Variants in WDR86 observed in about 807,000 individuals in gnomAD.
WDR86 encodes WD repeat-containing protein 86.
WDR86 carries 30 observed loss-of-function variants against 36.5 expected under a neutral mutation model. The observed-to-expected ratio is 0.82, with a 90% CI of 0.61 to 1.11. The LOEUF is 1.11. Among genes scored for constraint, WDR86 ranks in the 50% most tolerant of loss-of-function variants. WDR86 has a pLI of 0.00. For missense variants in WDR86, 545 were observed against 561.2 expected, an observed-to-expected ratio of 0.97 and a Z score of 0.29; for synonymous variants, 255 against 252.9, an observed-to-expected ratio of 1.01 and a Z score of -0.08.
At chr7:151,377,893 T>A (rs1468052478), downstream of WDR86, 1 of 152,228 alleles carries the variant, frequency 6.6e-6, no homozygotes, top group Non-Finnish European at 1.5e-5. Context: ...TTATATATAT[T>A]CAGCATTCCT....
chr7:151,369,694 C>A, the WDR86 span, among the ~76,000 whole-genome samples: 1 of 152,182 alleles, frequency 6.6e-6, no homozygotes, highest in African/African-American at 2.4e-5. Context: ...GGAATATTAG[C>A]AGGAGAGCCA....
chr7:151,389,553 G>A (rs1225677401), intron 3 of WDR86, among the ~76,000 whole-genome samples: 6 of 152,154 alleles, frequency 3.9e-5, no homozygotes, highest in African/African-American at 9.7e-5. Context: ...TCGGCAAAAC[G>A]ATTTCAGAGG....
At position 151,400,645 on chromosome 7, in the gene WDR86, A is replaced by G. The variant is rs144283334; in HGVS notation, c.164-404T>C. Among the ~76,000 whole-genome samples, 183 of 152,326 alleles carry G rather than the reference A, an allele frequency of 1.2e-3. 3 individuals are homozygous for G. In the East Asian group the frequency reaches 0.032, roughly 26 times the overall value. On this transcript the variant is annotated intron_variant, in intron 1 of 5. Coordinates refer to ENST00000334493, the MANE Select transcript of WDR86 (RefSeq NM_198285.3). ...TGATCTGCCTGCCTTGGCCTCCCAAAGTGCTGGAATTACAGGCGTGAGCCA... is the reference window on the plus strand; with the variant it reads ...TGATCTGCCTGCCTTGGCCTCCCAAGGTGCTGGAATTACAGGCGTGAGCCA...
chr7:151,407,739 G>C (rs894422092), intron 1 of WDR86, among the ~76,000 whole-genome samples: 1 of 152,170 alleles, frequency 6.6e-6, no homozygotes, highest in Non-Finnish European at 1.5e-5. Context: ...TATTCAGGAG[G>C]CCAAGGCAGG....
rs1028727115 is a variant in WDR86 at position 151,409,726 on chromosome 7, G to T, written c.-137C>A. 1.4e-5 allele frequency: 18 copies of T among 1,298,664 alleles called. No homozygotes were observed. In the Admixed American group the frequency reaches 6.7e-4, roughly 48 times the overall value. 80.4% of individuals were successfully genotyped at this position (1,298,664 alleles called of 1,614,324 possible). On this transcript the variant is annotated 5_prime_UTR_variant, in exon 1 of 6. Coordinates refer to ENST00000334493, the MANE Select transcript of WDR86 (RefSeq NM_198285.3). This position sits in a 1 kb window ranked among gnomAD's most constrained non-coding sequence, Gnocchi z 5.2. Reference sequence around the variant, plus strand: ...GGGAGCCCGACTCCTGCGGAGGCACGCGGCGAGGGGAGGGTGAAGGACCCT... The same window carrying T: ...GGGAGCCCGACTCCTGCGGAGGCACTCGGCGAGGGGAGGGTGAAGGACCCT...
downstream of WDR86, among the ~76,000 whole-genome samples, chr7:151,372,655 T>C (rs1414994792): frequency 2.0e-5 from 3 of 151,920 alleles, no homozygotes; most frequent in African/African-American, 7.3e-5. Flanking sequence ...TTCGAAGCAT[T>C]GTTGGGGCCA....
In WDR86 at chr7:151,400,166, C is replaced by A. The variant is rs1161058525; in HGVS notation, c.239G>T (p.Arg80Met). The A allele has an allele frequency of 1.2e-6, 2 of 1,612,506 alleles. No homozygotes were observed. The highest frequency in any genetic ancestry group is 1.7e-6 in the Non-Finnish European group (2 of 1,179,308). Residue 80 changes from arginine to methionine, a missense_variant, in exon 2 of 6, where the codon AGG (arginine) becomes ATG (methionine). Arg to Met is a moderately conservative substitution (Grantham distance 91). Coordinates refer to ENST00000334493, the MANE Select transcript of WDR86 (RefSeq NM_198285.3). ...CTGCCCGGTCAGCACGTCCCACCTC[C>A]TGATGGTGCAGTCGGCGCTGCATGT... ...AFTCSADCTI[R>M]RWDVLTGQCL... is the part of the protein sequence containing the mutation.
At position 151,385,052 on chromosome 7, in the gene WDR86, G is replaced by A. The variant is rs762709977; in HGVS notation, c.862+36C>T. Reference sequence around the variant, plus strand: ...AGAAGCAGAGAGGAGAAGCCAGGCTGGGGTGGCACAGGTCGTGCAGGGCCA... The same window carrying A: ...AGAAGCAGAGAGGAGAAGCCAGGCTAGGGTGGCACAGGTCGTGCAGGGCCA... On this transcript the variant is annotated intron_variant, in intron 4 of 5. Transcript: ENST00000334493. 3 of 1,551,010 alleles carry A rather than the reference G, an allele frequency of 1.9e-6. No individual in the cohort carries two copies. In the Admixed American group the frequency reaches 5.4e-5, roughly 28 times the overall value.
At position 151,409,500 on chromosome 7, in the gene WDR86, C is replaced by A; in HGVS notation, c.90G>T (p.Leu30=). ...CCGTGCCGTCCTCGCTGCCCGTCAG[C>A]AGGCGCTGCCCGTCGGGGCTCAGGC... ...WLSLSPDGQR[L]LTGSEDGTAR... Residue 30 remains leucine (L), a synonymous_variant, in exon 1 of 6, where the codon CTG becomes CTT. Coordinates refer to ENST00000334493, the MANE Select transcript of WDR86 (RefSeq NM_198285.3). This position sits in a 1 kb window ranked among gnomAD's most constrained non-coding sequence, Gnocchi z 5.2. 6.5e-7 allele frequency: 1 copy of A among 1,533,326 alleles called. No homozygotes were observed. The highest frequency in any genetic ancestry group is 8.7e-7 in the Non-Finnish European group (1 of 1,145,856). The allele number at this position is 1,533,326 out of a possible 1,614,324, so 95.0% of individuals were successfully genotyped here.
intron 4 of WDR86, among the ~76,000 whole-genome samples, chr7:151,383,473 CAAAAAA>C (rs60998418): frequency 7.7e-6 from 1 of 130,386 alleles, no homozygotes. Flanking sequence ...GACTCCGTCT[CAAAAAA>C]AAAAAAAAAA....
chr7:151,402,070 A>AAAAAAAAAAAAATATATATATATATATAT, intron 1 of WDR86, among the ~76,000 whole-genome samples: 1 of 50,554 alleles, frequency 2.0e-5, no homozygotes, highest in Non-Finnish European at 3.3e-5. Context: ...AAAAAAAAAA[A>AAAAAAAAAAAAATATATATATATATATAT]ATATATATAT....
intron 4 of WDR86, among the ~76,000 whole-genome samples, chr7:151,383,179 G>T (rs77239395): frequency 4.0e-4 from 44 of 109,932 alleles, no homozygotes; most frequent in East Asian, 1.2e-3. Context: ...GCGGCGGGGT[G>T]GGGGGGGGGA....
In WDR86 at chr7:151,381,788, G is replaced by A. The variant is rs569659452; in HGVS notation, c.967-42C>T. The A allele has an allele frequency of 3.4e-6, 5 of 1,486,514 alleles. No individual in the cohort carries two copies. Among genetic ancestry groups the A allele is most frequent in the East Asian group, 5.1e-5 (2 of 39,328 alleles). 92.1% of individuals were successfully genotyped at this position (1,486,514 alleles called of 1,614,324 possible). A position where few individuals can be genotyped will look rare whatever the true frequency, so the allele number is the denominator to read the frequency against. On this transcript the variant is annotated intron_variant, in intron 5 of 5. Coordinates refer to ENST00000334493, the MANE Select transcript of WDR86 (RefSeq NM_198285.3). This position sits in a 1 kb window ranked among gnomAD's most constrained non-coding sequence, Gnocchi z 4.8. ...GGGCGTCACCGGTGACGCGGTAGGCGGGGGGGACACCGCTGCCCGCGTGGA... is the reference window on the plus strand; with the variant it reads ...GGGCGTCACCGGTGACGCGGTAGGCAGGGGGGACACCGCTGCCCGCGTGGA...
chr7:151,382,757 A>C (rs1361696621), intron 4 of WDR86, among the ~76,000 whole-genome samples: 1 of 152,224 alleles, frequency 6.6e-6, no homozygotes, highest in Non-Finnish European at 1.5e-5. Context: ...TGATGCAGAC[A>C]GTTCACCTGG....
intron 3 of WDR86, among the ~76,000 whole-genome samples, chr7:151,386,618 A>G (rs1292981040): frequency 6.6e-6 from 1 of 152,166 alleles, no homozygotes; most frequent in Non-Finnish European, 1.5e-5. Context: ...GACCTCAGCC[A>G]TCTGCACCAC....
chr7:151,403,956 C>T (rs928447714), intron 1 of WDR86, among the ~76,000 whole-genome samples: 7 of 152,104 alleles, frequency 4.6e-5, no homozygotes, highest in African/African-American at 9.7e-5. Flanking sequence ...CAGCTGCTCC[C>T]GACGCATCTC....
At position 151,385,271 on chromosome 7, in the gene WDR86, C is replaced by T. The variant is rs759432952; in HGVS notation, c.727-48G>A. On this transcript the variant is annotated intron_variant, in intron 3 of 5. Transcript: ENST00000334493. ...TCGGCAGCTGGGGCAGCTCTGAAGC[C>T]CCCCAGACCTCTCCCTCTATAAGGG... The T allele has an allele frequency of 3.1e-6, 5 of 1,602,960 alleles. No homozygotes were observed. In the South Asian group the frequency reaches 3.3e-5, roughly 11 times the overall value.
chr7:151,391,493 G>A (rs1329414510), intron 3 of WDR86, among the ~76,000 whole-genome samples: 1 of 152,140 alleles, frequency 6.6e-6, no homozygotes. Flanking sequence ...TCTGTGGGTC[G>A]CATGGCCCCC....
chr7:151,407,088 C>A (rs888222066), intron 1 of WDR86, among the ~76,000 whole-genome samples: 3 of 152,192 alleles, frequency 2.0e-5, no homozygotes, highest in Admixed American at 6.5e-5. Context: ...TGTCCCCGTC[C>A]TTGAAAATTC....
Sources: allele counts gnomAD v4.1 joint callset (sites outside exome capture counted in the v4.1 genomes callset), GRCh38; gene constraint gnomAD v4.1.1; non-coding constraint Gnocchi (gnomAD v3.1); transcripts MANE v1.5; gene names NCBI Gene and HGNC (gene_info 2026-07-23, HGNC 2026-07-21).